PRDM5: variants seen among roughly 807,000 people sequenced by gnomAD.
The protein encoded by PRDM5 is PR/SET domain 5.
Under a neutral mutation model 81.2 loss-of-function variants are expected in PRDM5, and 56 were observed. The ratio of observed to expected loss-of-function variants is 0.69; its 90% CI spans 0.56 to 0.86. PRDM5 has a LOEUF of 0.86. PRDM5 is among the 40% of genes least tolerant of loss of function. The probability of loss-of-function intolerance (pLI) is 0.00; values close to 1 mark genes in which losing one functional copy is unlikely to be tolerated. For synonymous variants in PRDM5, 267 were observed against 256.4 expected (o/e 1.04, Z -0.39); for missense variants, 697 against 770.1 (o/e 0.91, Z 1.12).
chr4:120,902,121 G>C (rs1036826375), intron 2 of PRDM5, among the ~76,000 whole-genome samples: 8 of 152,174 alleles, frequency 5.3e-5, no homozygotes, highest in African/African-American at 1.9e-4. Context: ...GAAATGGAAA[G>C]AAAGGCCCAG....
At chr4:120,880,095 G>A (rs1448037684) in intron 2 of PRDM5, among the ~76,000 whole-genome samples, 1 of 151,982 alleles carries the variant, frequency 6.6e-6, no homozygotes, top group Non-Finnish European at 1.5e-5. Context: ...TTAATAATAG[G>A]GGAAAATGGG....
intron 14 of PRDM5, among the ~76,000 whole-genome samples, chr4:120,732,041 T>C (rs1463903879): frequency 1.3e-5 from 2 of 152,192 alleles, no homozygotes; most frequent in Non-Finnish European, 2.9e-5. Flanking sequence ...GTGTGTCTGA[T>C]GAGGTGTTCA....
Position 120,719,927 on chromosome 4 carries a change from C to T in PRDM5, c.1624-9514G>A, listed in dbSNP as rs553924900. On this transcript the variant is annotated intron_variant, in intron 14 of 15. Transcript: ENST00000264808. ...TATCTAGGGGAACTATTTTTGATAT[C>T]AGGAAGATGGATCATGTAAACATTG... 3.7e-4 allele frequency among the ~76,000 whole-genome samples: 57 copies of T among 152,182 alleles called. 1 individual carries two copies. Among genetic ancestry groups the T allele is most frequent in the African/African-American group, 1.3e-3 (56 of 41,514 alleles).
chr4:120,922,053 G>A (rs574378506), intron 1 of PRDM5, among the ~76,000 whole-genome samples: 1 of 152,284 alleles, frequency 6.6e-6, no homozygotes, highest in South Asian at 2.1e-4. Flanking sequence ...AAAGTTAGGC[G>A]TTTCTAGCCA....
chr4:120,908,408 C>A (rs991887863), intron 1 of PRDM5, among the ~76,000 whole-genome samples: 9 of 152,178 alleles, frequency 5.9e-5, no homozygotes, highest in Non-Finnish European at 1.2e-4. Flanking sequence ...TCCTTCCCTT[C>A]ACATGGAGGT....
At chr4:120,702,896 A>G (rs988936840) in intron 15 of PRDM5, among the ~76,000 whole-genome samples, 1 of 152,216 alleles carries the variant, frequency 6.6e-6, no homozygotes, top group Non-Finnish European at 1.5e-5. Flanking sequence ...AATTAGATTC[A>G]CAATACATTT....
chr4:120,778,551 T>G (rs1267543600), intron 12 of PRDM5, among the ~76,000 whole-genome samples: 1 of 152,198 alleles, frequency 6.6e-6, no homozygotes, highest in Non-Finnish European at 1.5e-5. Context: ...ATTTTGGTAT[T>G]AAAATGTGTA....
At chr4:120,807,008 AAAAC>A (rs1391927106) in intron 8 of PRDM5, among the ~76,000 whole-genome samples, 13 of 152,354 alleles carry the variant, frequency 8.5e-5, no homozygotes, top group East Asian at 3.9e-4. Flanking sequence ...TACAAGAAAA[AAAAC>A]AAACAACCCC....
At chr4:120,685,098 ATTATT>A (rs1275649721) in intron 1 of PRDM5, 3 of 152,058 alleles carry the variant, frequency 2.0e-5, no homozygotes, top group Non-Finnish European at 4.4e-5. Flanking sequence ...ATGTAATTAC[ATTATT>A]TTAATAGCCA....
chr4:120,906,608 A>G (rs775357618), intron 2 of PRDM5, among the ~76,000 whole-genome samples: 5 of 152,336 alleles, frequency 3.3e-5, no homozygotes, highest in Non-Finnish European at 5.9e-5. Flanking sequence ...AAGAACAGCA[A>G]CGAATATAAT....
At chr4:120,829,013 T>C (rs1400112434) in intron 3 of PRDM5, among the ~76,000 whole-genome samples, 1 of 152,056 alleles carries the variant, frequency 6.6e-6, no homozygotes, top group Non-Finnish European at 1.5e-5. Context: ...GTCTAGTTAA[T>C]GAATTTAAAA....
intron 10 of PRDM5, among the ~76,000 whole-genome samples, chr4:120,790,974 C>T (rs1320227575): frequency 6.6e-6 from 1 of 151,966 alleles, no homozygotes; most frequent in African/African-American, 2.4e-5. Context: ...GAAAAACACA[C>T]ATACAATTTT....
intron 15 of PRDM5, among the ~76,000 whole-genome samples, chr4:120,698,564 T>G (rs949613400): frequency 1.3e-5 from 2 of 152,154 alleles, no homozygotes; most frequent in Non-Finnish European, 2.9e-5. Context: ...GCAAGTAATA[T>G]TTTTAGTCCA....
chr4:120,750,073 G>GA (rs67540995), intron 14 of PRDM5, among the ~76,000 whole-genome samples: 151,103 of 152,312 alleles, frequency 0.99, 74,963 homozygotes, highest in East Asian at 1. Flanking sequence ...TAGAGCACCT[G>GA]AAAGTGGCTA....
At chr4:120,777,537 A>G (rs1429071379) in intron 12 of PRDM5, among the ~76,000 whole-genome samples, 1 of 152,130 alleles carries the variant, frequency 6.6e-6, no homozygotes, top group Non-Finnish European at 1.5e-5. Flanking sequence ...TGGAGCCCCA[A>G]CTAAAAATGA....
chr4:120,720,920 A>T (rs770797737), intron 14 of PRDM5, among the ~76,000 whole-genome samples: 6 of 151,654 alleles, frequency 4.0e-5, no homozygotes, highest in Non-Finnish European at 8.8e-5. Flanking sequence ...CAACACATAG[A>T]ACACTAAAAA....
At chr4:120,849,518 A>G (rs190110699) in intron 3 of PRDM5, among the ~76,000 whole-genome samples, 5 of 152,236 alleles carry the variant, frequency 3.3e-5, no homozygotes, top group African/African-American at 1.2e-4. Flanking sequence ...GAAGTGCACC[A>G]GGACCCAAAT....
In PRDM5 at chr4:120,777,222, A is replaced by T. The variant is rs1578692692; in HGVS notation, c.1503T>A (p.Ser501Arg). The T allele has an allele frequency of 6.2e-7, 1 of 1,613,416 alleles. No homozygotes were observed. Among genetic ancestry groups the T allele is most frequent in the East Asian group, 2.2e-5 (1 of 44,832 alleles). Residue 501 changes from serine (S) to arginine (R), a missense_variant, in exon 13 of 16, where the codon AGT becomes AGA. Transcript: ENST00000264808. The part of the protein sequence containing the change: ...CPYCGQKFAS[S>R]GTLRVHIRSH... ...TCCGGATATGAACTCTGAGTGTACC[A>T]CTGCTGGCAAATTTCTGGCCACAAT...
At chr4:120,793,260 T>G (rs991748398) in intron 10 of PRDM5, among the ~76,000 whole-genome samples, 2 of 152,136 alleles carry the variant, frequency 1.3e-5, no homozygotes, top group East Asian at 3.9e-4. Context: ...GGGATCTAGG[T>G]TGCATGCTCC....
Sources: allele counts gnomAD v4.1 joint callset (sites outside exome capture counted in the v4.1 genomes callset), GRCh38; gene constraint gnomAD v4.1.1; transcripts MANE v1.5; gene names NCBI Gene and HGNC (gene_info 2026-07-23, HGNC 2026-07-21).